The following CSMD1 variants were observed in gnomAD, a reference collection of about 807,000 sequenced individuals.
The protein encoded by CSMD1 is CUB and sushi domain-containing protein 1.
In CSMD1, 213 loss-of-function variants were observed where a neutral mutation model predicts 417.5. The observed-to-expected ratio is 0.51, with a 90% CI of 0.46 to 0.57. The LOEUF (loss-of-function observed/expected upper bound fraction) is 0.57. Ranked by LOEUF, CSMD1 falls within the 20% of genes least tolerant of loss-of-function variation. The probability of loss-of-function intolerance (pLI) is 0.00; values close to 1 mark genes in which losing one functional copy is unlikely to be tolerated. For synonymous variants in CSMD1, 2,862 were observed against 1,736.8 expected (o/e 1.65, Z -16.11); for missense variants, 6,923 against 4,529.7 (o/e 1.53, Z -15.17).
At chr8:4,195,903 G>C (rs768162728) in intron 3 of CSMD1, among the ~76,000 whole-genome samples, 1 of 151,974 alleles carries the variant, frequency 6.6e-6, no homozygotes, top group Admixed American at 6.6e-5. Flanking sequence ...GTCCCACCCC[G>C]AGAAAACTAT....
At chr8:4,853,870 A>T (rs1801632016) in intron 1 of CSMD1, among the ~76,000 whole-genome samples, 1 of 152,236 alleles carries the variant, frequency 6.6e-6, no homozygotes, top group South Asian at 2.1e-4. Context: ...CAGGACATAC[A>T]GTCAAAGGAG....
chr8:4,104,016 C>T (rs1340926130), intron 3 of CSMD1, among the ~76,000 whole-genome samples: 3 of 152,188 alleles, frequency 2.0e-5, no homozygotes, highest in African/African-American at 4.8e-5. Flanking sequence ...CCTGCACAGG[C>T]CTGTCCCTGC....
chr8:3,983,262 C>G (rs1410481088), intron 5 of CSMD1, among the ~76,000 whole-genome samples: 1 of 151,896 alleles, frequency 6.6e-6, no homozygotes, highest in Non-Finnish European at 1.5e-5. Context: ...TCCCGAGTAG[C>G]TGGGACTACA....
Position 3,205,563 on chromosome 8 carries a change from G to A in CSMD1, c.4925C>T (p.Pro1642Leu). The change falls in exon 31 of 70, where the codon CCC (proline) becomes CTC (leucine). Residue 1642 changes from proline to leucine, a missense_variant. Pro to Leu is a moderately conservative substitution (Grantham distance 98). Transcript: ENST00000635120. Reference sequence around the variant, plus strand: ...TATTTGACCAGCTGTGTAATTATGGGGGTAGTTTGGTGATAAAACTACCCC... The same window carrying A: ...TATTTGACCAGCTGTGTAATTATGGAGGTAGTTTGGTGATAAAACTACCCC... Reference protein sequence around the residue: ...SEGVVLSPNYPHNYTAGQICL... With the variant: ...SEGVVLSPNYLHNYTAGQICL... 6.2e-7 allele frequency: 1 copy of A among 1,602,518 alleles called. No homozygotes were observed. Among genetic ancestry groups the A allele is most frequent in the Non-Finnish European group, 8.5e-7 (1 of 1,173,540 alleles).
intron 1 of CSMD1, among the ~76,000 whole-genome samples, chr8:4,957,837 A>C (rs910309893): frequency 2.0e-5 from 3 of 152,198 alleles, no homozygotes; most frequent in African/African-American, 4.8e-5. Flanking sequence ...CAATTGGACA[A>C]TACTCAGCTC....
rs114342478 is a variant in CSMD1 at position 4,290,396 on chromosome 8, A to G, written c.415+129557T>C. ...AAGCCCAAAGACGTAGGAAGTGGTA[A>G]ACACAGATCAGAAAGGTCTCTAACA... On this transcript the variant is annotated intron_variant, in intron 3 of 69. Coordinates refer to ENST00000635120, the MANE Select transcript of CSMD1 (RefSeq NM_033225.6). 8.2e-3 allele frequency among the ~76,000 whole-genome samples: 1,244 copies of G among 152,342 alleles called. 14 individuals are homozygous for G. The highest frequency in any genetic ancestry group is 0.029 in the African/African-American group (1,208 of 41,570).
chr8:3,854,667 G>A (rs1804169394), intron 5 of CSMD1, among the ~76,000 whole-genome samples: 1 of 151,962 alleles, frequency 6.6e-6, no homozygotes, highest in Non-Finnish European at 1.5e-5. Flanking sequence ...GTGGAAGAGA[G>A]GGGGATGGAG....
chr8:4,077,648 A>T (rs1799904616), intron 3 of CSMD1, among the ~76,000 whole-genome samples: 1 of 152,038 alleles, frequency 6.6e-6, no homozygotes, highest in Admixed American at 6.6e-5. Context: ...GGGTGACAAA[A>T]GGGAGGTATA....
intron 2 of CSMD1, among the ~76,000 whole-genome samples, chr8:4,518,652 A>T (rs1585193243): frequency 1.3e-5 from 2 of 150,892 alleles, no homozygotes; most frequent in Admixed American, 1.3e-4. Context: ...GCATTAGGAG[A>T]TATACCTAAT....
At chr8:4,896,769 G>T (rs1034632749) in intron 1 of CSMD1, among the ~76,000 whole-genome samples, 1 of 152,056 alleles carries the variant, frequency 6.6e-6, no homozygotes, top group Non-Finnish European at 1.5e-5. Flanking sequence ...AATAAGGGAA[G>T]GAGGTAGTTT....
intron 1 of CSMD1, among the ~76,000 whole-genome samples, chr8:4,695,591 T>C (rs1400127762): frequency 2.6e-5 from 4 of 151,596 alleles, no homozygotes; most frequent in African/African-American, 9.7e-5. Flanking sequence ...CTGTCCCCTA[T>C]CCCCCCCACC....
intron 12 of CSMD1, among the ~76,000 whole-genome samples, chr8:3,459,740 A>C (rs1816380642): frequency 6.6e-6 from 1 of 152,088 alleles, no homozygotes; most frequent in Admixed American, 6.6e-5. Context: ...AGCACTCAAG[A>C]ATGAGGCTGC....
chr8:3,529,947 A>G (rs1318525730), intron 10 of CSMD1, among the ~76,000 whole-genome samples: 3 of 152,162 alleles, frequency 2.0e-5, no homozygotes, highest in East Asian at 1.9e-4. Context: ...ATATATACAC[A>G]ATAAATTTGC....
chr8:3,896,456 G>C (rs1340099123), intron 5 of CSMD1, among the ~76,000 whole-genome samples: 1 of 152,100 alleles, frequency 6.6e-6, no homozygotes, highest in South Asian at 2.1e-4. Flanking sequence ...ACTTGGGAGA[G>C]AAAGTAAATT....
chr8:3,316,740 G>A (rs553712514), intron 23 of CSMD1, among the ~76,000 whole-genome samples: 8 of 152,194 alleles, frequency 5.3e-5, no homozygotes, highest in South Asian at 4.1e-4. Context: ...TCACGGGAAA[G>A]ACTGGAAAGG....
intron 7 of CSMD1, among the ~76,000 whole-genome samples, chr8:3,652,960 G>C (rs1460353598): frequency 1.3e-5 from 2 of 152,040 alleles, no homozygotes; most frequent in Non-Finnish European, 2.9e-5. Flanking sequence ...ATTTTCTCCT[G>C]ACTGCTTTCA....
intron 40 of CSMD1, among the ~76,000 whole-genome samples, chr8:3,147,073 G>T (rs1241621910): frequency 6.6e-6 from 1 of 152,060 alleles, no homozygotes; most frequent in Non-Finnish European, 1.5e-5. Context: ...GAGGAGCAAC[G>T]CTTACTGGTA....
intron 12 of CSMD1, among the ~76,000 whole-genome samples, chr8:3,456,578 A>G (rs1816156986): frequency 6.6e-6 from 1 of 152,176 alleles, no homozygotes; most frequent in Non-Finnish European, 1.5e-5. Flanking sequence ...ACTTCCTACT[A>G]TGCCAAAACC....
intron 11 of CSMD1, 34 bp downstream of exon 11, chr8:3,493,589 C>A (rs1173573957): frequency 6.4e-7 from 1 of 1,551,392 alleles, no homozygotes; most frequent in East Asian, 2.3e-5. Flanking sequence ...GCACTGCATG[C>A]ATAAGAGAAG....
Sources: gnomAD v4.1 joint callset for allele counts (sites outside exome capture counted in the v4.1 genomes callset) on GRCh38, gnomAD v4.1.1 for gene constraint, MANE v1.5 for transcripts, NCBI Gene and HGNC (gene_info 2026-07-23, HGNC 2026-07-21) for gene names.